The following SVIL variants were observed in gnomAD, a reference collection of about 807,000 sequenced individuals.
The protein encoded by SVIL is archvillin.
In SVIL, 101 loss-of-function variants were observed where a neutral mutation model predicts 240.4. The ratio of observed to expected loss-of-function variants is 0.42; its 90% CI spans 0.36 to 0.50. SVIL has a LOEUF of 0.50. Ranked by LOEUF, SVIL falls within the 20% of genes least tolerant of loss-of-function variation. SVIL has a pLI of 0.01. For synonymous variants in SVIL, 999 were observed against 1,100.0 expected, an observed-to-expected ratio of 0.91 and a Z score of 1.82; for missense variants, 2,512 against 2,818.7, an observed-to-expected ratio of 0.89 and a Z score of 2.46.
chr10:29,597,165 A>C (rs760949932), intron 1 of SVIL, among the ~76,000 whole-genome samples: 2 of 152,184 alleles, frequency 1.3e-5, no homozygotes, highest in Non-Finnish European at 2.9e-5. Context: ...CCTCTTGGGC[A>C]TACGCGTTAA....
At chr10:29,573,419 A>G (rs1369835546) in intron 1 of SVIL, among the ~76,000 whole-genome samples, 1 of 152,194 alleles carries the variant, frequency 6.6e-6, no homozygotes, top group African/African-American at 2.4e-5. Flanking sequence ...TTAATCTATT[A>G]TTTAGGTATC....
At chr10:29,682,940 T>C (rs767018281) in intron 2 of SVIL, among the ~76,000 whole-genome samples, 7 of 152,112 alleles carry the variant, frequency 4.6e-5, no homozygotes, top group African/African-American at 7.2e-5. Flanking sequence ...AAGTCAGGTG[T>C]TGATAAAAAG....
intron 1 of SVIL, among the ~76,000 whole-genome samples, chr10:29,602,593 T>C (rs528895120): frequency 6.6e-6 from 1 of 152,378 alleles, no homozygotes; most frequent in African/African-American, 2.4e-5. Flanking sequence ...ATCAATCATG[T>C]ACATTTGTAA....
intron 3 of SVIL, among the ~76,000 whole-genome samples, chr10:29,562,427 G>C (rs368477655): frequency 2.0e-5 from 3 of 152,196 alleles, no homozygotes; most frequent in Non-Finnish European, 4.4e-5. Flanking sequence ...AAGTCTGCAC[G>C]GGCTGTTCGC....
chr10:29,654,727 C>T (rs969489915), intron 3 of SVIL, among the ~76,000 whole-genome samples: 4 of 152,178 alleles, frequency 2.6e-5, no homozygotes, highest in Non-Finnish European at 5.9e-5. Flanking sequence ...GGCAGCCTGT[C>T]TCCATCTAAG....
chr10:29,532,411 G>A, intron 8 of SVIL, 118 bp downstream of exon 8: 3 of 1,444,840 alleles, frequency 2.1e-6, no homozygotes, highest in Non-Finnish European at 2.7e-6. Flanking sequence ...CGCCCTGCAC[G>A]CACTTGTGAG....
intron 6 of SVIL, among the ~76,000 whole-genome samples, chr10:29,541,858 T>C (rs1266726884): frequency 1.3e-5 from 2 of 152,138 alleles, no homozygotes; most frequent in African/African-American, 4.8e-5. Context: ...TGCTCACTTA[T>C]CACGATTCCC....
At chr10:29,677,690 G>A (rs1364139007) in intron 2 of SVIL, among the ~76,000 whole-genome samples, 1 of 152,144 alleles carries the variant, frequency 6.6e-6, no homozygotes, top group African/African-American at 2.4e-5. Flanking sequence ...CAAAGTGCTA[G>A]GATTACAGGC....
At chr10:29,575,944 T>G (rs1050348698) in intron 1 of SVIL, 4 of 225,604 alleles carry the variant, frequency 1.8e-5, no homozygotes, top group African/African-American at 9.3e-5. Context: ...AATATTAGTA[T>G]AGTATTCTAA....
At chr10:29,638,728 G>A (rs1376975139), upstream of SVIL, among the ~76,000 whole-genome samples, 1 of 152,100 alleles carries the variant, frequency 6.6e-6, no homozygotes, top group Non-Finnish European at 1.5e-5. Context: ...ATAAGAAATG[G>A]AAAGCATTGC....
At position 29,554,900 on chromosome 10, in the gene SVIL, C is replaced by T. The variant is rs1277311470; in HGVS notation, c.43G>A (p.Glu15Lys). ...ERIARRLEGI[E>K]NDTQPILLQS... ...AAGAGGATGGGCTGAGTGTCATTTT[C>T]AATCCCTTCCAGGCGCCTGGCAATT... The change falls in exon 5 of 38, where the codon GAA becomes AAA. Residue 15 changes from glutamate to lysine, a missense_variant. By Grantham distance (56) the Glu-to-Lys change is moderately conservative (BLOSUM62 1). Around this residue, in one of 3 missense-constraint regions of SVIL, gnomAD observed 1,443 missense variants for 1,486.6 expected, o/e 0.97. Coordinates refer to ENST00000355867, the MANE Select transcript of SVIL (RefSeq NM_021738.3). 6.2e-7 allele frequency: 1 copy of T among 1,613,280 alleles called. No individual in the cohort carries two copies. The highest frequency in any genetic ancestry group is 1.7e-5 in the Admixed American group (1 of 59,816).
intron 3 of SVIL, among the ~76,000 whole-genome samples, chr10:29,647,625 G>T (rs1049666937): frequency 1.9e-5 from 2 of 106,708 alleles, no homozygotes; most frequent in Admixed American, 9.0e-5. Flanking sequence ...GCAAATATAG[G>T]TGTGTGTGTG....
At chr10:29,565,771 T>C (rs1954916291) in intron 2 of SVIL, among the ~76,000 whole-genome samples, 2 of 151,776 alleles carry the variant, frequency 1.3e-5, no homozygotes, top group Non-Finnish European at 2.9e-5. Context: ...CACAAGCCTG[T>C]AGTCCCAGCC....
At chr10:29,616,529 G>A (rs1006028980) in intron 1 of SVIL, among the ~76,000 whole-genome samples, 7 of 152,174 alleles carry the variant, frequency 4.6e-5, no homozygotes, top group Non-Finnish European at 1.0e-4. Context: ...GTACTGCACT[G>A]ATATTTTTTA....
At chr10:29,490,584 T>TC (rs1564505877) in intron 22 of SVIL, among the ~76,000 whole-genome samples, 19 of 137,718 alleles carry the variant, frequency 1.4e-4, no homozygotes, top group African/African-American at 4.7e-4. Flanking sequence ...CCCCCAGTCT[T>TC]TAAAAAAAAA....
intron 1 of SVIL, among the ~76,000 whole-genome samples, chr10:29,700,522 G>A (rs559671639): frequency 2.3e-4 from 31 of 134,624 alleles, no homozygotes; most frequent in African/African-American, 8.4e-4. Flanking sequence ...CCAGCCTGGA[G>A]TGCAGTAGTG....
chr10:29,547,010 A>G (rs1285109868), intron 6 of SVIL, among the ~76,000 whole-genome samples: 1 of 152,214 alleles, frequency 6.6e-6, no homozygotes, highest in East Asian at 1.9e-4. Flanking sequence ...ATGTTTCCAT[A>G]TCAGATGACA....
intron 29 of SVIL, 154 bp downstream of exon 29, chr10:29,480,383 T>C (rs1712223234): frequency 1.1e-6 from 1 of 897,724 alleles, no homozygotes; most frequent in South Asian, 1.7e-5. Flanking sequence ...TTCATCTCTG[T>C]AGTTTACTAG....
intron 2 of SVIL, among the ~76,000 whole-genome samples, chr10:29,673,500 A>G (rs545454076): frequency 6.6e-6 from 1 of 151,860 alleles, no homozygotes; most frequent in East Asian, 1.9e-4. Flanking sequence ...AGTTCTGCAT[A>G]GTGTGGGAGG....
Sources: gnomAD v4.1 joint callset for allele counts (sites outside exome capture counted in the v4.1 genomes callset) on GRCh38, gnomAD v4.1.1 for gene constraint, gnomAD v4.1.1 regional missense constraint, MANE v1.5 for transcripts, NCBI Gene and HGNC (gene_info 2026-07-23, HGNC 2026-07-21) for gene names.